HIVEP2: variants seen among roughly 807,000 people sequenced by gnomAD.
The protein encoded by HIVEP2 is transcription factor HIVEP2.
In HIVEP2, 14 loss-of-function variants were observed where a neutral mutation model predicts 180.7. The observed-to-expected ratio is 0.08, with a 90% confidence interval of 0.05 to 0.12. The LOEUF is 0.12. Among genes scored for constraint, HIVEP2 ranks in the 10% least tolerant of loss-of-function variants. HIVEP2 has a pLI of 1.00. For synonymous variants in HIVEP2, 1,184 were observed against 1,136.4 expected (o/e 1.04, Z -0.84); for missense variants, 2,579 against 3,008.5 (o/e 0.86, Z 3.34).
rs1775685674 is a variant in HIVEP2, at chr6:142,775,853, A to G, written c.-388+294T>C. Among the ~76,000 whole-genome samples, 3 of 151,294 alleles carry G rather than the reference A, an allele frequency of 2.0e-5. No individual in the cohort carries two copies. The South Asian group carries it at 6.2e-4, about 31-fold the overall frequency. ...CATCTCAAAAAAAAACCATATATAT[A>G]GTTACATATTAATATAAAATATAAA... is the stretch of plus-strand genomic sequence containing the variant. On this transcript the variant is annotated intron_variant, in intron 4 of 9. Transcript: ENST00000367603.
chr6:142,756,816 T>C (rs904552030), intron 9 of HIVEP2, among the ~76,000 whole-genome samples: 1 of 151,990 alleles, frequency 6.6e-6, no homozygotes, highest in African/African-American at 2.4e-5. Context: ...TATCTATCTA[T>C]CTATCTATCT....
rs770667303 is a variant in HIVEP2, at chr6:142,772,730, C to T, written c.2009G>A (p.Gly670Asp). 1 of 1,614,228 alleles carries T rather than the reference C, an allele frequency of 6.2e-7. No individual in the cohort carries two copies. The change falls in exon 5 of 10, where the codon GGT (glycine) becomes GAT (aspartate). Residue 670 changes from glycine (G) to aspartate (D), a missense_variant. Gly to Asp is a moderately conservative substitution (Grantham distance 94, BLOSUM62 -1). Transcript: ENST00000367603. The surrounding 1 kb of genome is among the most constrained non-coding windows in gnomAD (Gnocchi z 4.9). ...DISCLSSLKH[G>D]GEYFMDPVVP... ...CACGGGATCCATGAAATATTCTCCACCATGCTTTAAAGAACTCAAGCAGGA... is the reference window on the plus strand; with the variant it reads ...CACGGGATCCATGAAATATTCTCCATCATGCTTTAAAGAACTCAAGCAGGA...
chr6:142,770,672 A>G lies in HIVEP2; in HGVS notation c.4067T>C (p.Ile1356Thr), dbSNP rs777841291. The change falls in exon 5 of 10, where the codon ATA (isoleucine) becomes ACA (threonine). Residue 1356 changes from isoleucine (I) to threonine (T), a missense_variant. Around this residue, in one of 11 missense-constraint regions of HIVEP2, gnomAD observed 523 missense variants for 577.0 expected, o/e 0.91. Coordinates refer to ENST00000367603, the MANE Select transcript of HIVEP2 (RefSeq NM_006734.4). This position sits in a 1 kb window ranked among gnomAD's most constrained non-coding sequence, Gnocchi z 4.7. ...GSVMYTSISQ[I>T]LGQNSPAIVI... ...AATGGCAGGGCTATTCTGCCCAAGT[A>G]TCTGAGAAATGCTTGTGTACATGAC... The G allele has an allele frequency of 6.2e-6, 10 of 1,614,110 alleles. No individual in the cohort carries two copies. The East Asian group carries it at 1.6e-4, about 25-fold the overall frequency.
At chr6:142,854,840 A>G (rs78539908) in intron 1 of HIVEP2, among the ~76,000 whole-genome samples, 2,623 of 152,258 alleles carry the variant, frequency 0.017, 88 homozygotes, top group African/African-American at 0.059. Context: ...ACCCAGTATT[A>G]AAGCAATAAT....
intron 1 of HIVEP2, among the ~76,000 whole-genome samples, chr6:142,847,750 C>T (rs1022642904): frequency 4.6e-5 from 7 of 151,964 alleles, no homozygotes; most frequent in African/African-American, 1.5e-4. Context: ...GTTTGTTGTT[C>T]TTCATAAAAG....
intron 1 of HIVEP2, among the ~76,000 whole-genome samples, chr6:142,885,077 C>T (rs1776662687): frequency 6.6e-6 from 1 of 152,072 alleles, no homozygotes; most frequent in Non-Finnish European, 1.5e-5. Flanking sequence ...TTGTAATAGT[C>T]CAGTTGCTCA....
chr6:142,770,750 G>A lies in HIVEP2; in HGVS notation c.3989C>T (p.Pro1330Leu). 6.2e-7 allele frequency: 1 copy of A among 1,614,188 alleles called. No individual in the cohort carries two copies. The highest frequency in any genetic ancestry group is 1.1e-5 in the South Asian group (1 of 91,082). ...SANAGSLQSLPGTVVPVRIQT... is the reference protein window; with the variant it reads ...SANAGSLQSLLGTVVPVRIQT... ...GATCCGAACAGGAACCACTGTTCCTGGGAGGGACTGCAAAGACCCAGCATT... is the reference window on the plus strand; with the variant it reads ...GATCCGAACAGGAACCACTGTTCCTAGGAGGGACTGCAAAGACCCAGCATT... The change falls in exon 5 of 10, where the codon CCA becomes CTA. Residue 1330 changes from proline (P) to leucine (L), a missense_variant. Physicochemically the swap from Pro to Leu is moderately conservative, Grantham distance 98. Coordinates refer to ENST00000367603, the MANE Select transcript of HIVEP2 (RefSeq NM_006734.4). The surrounding 1 kb of genome is among the most constrained non-coding windows in gnomAD (Gnocchi z 4.7).
At chr6:142,806,660 G>A (rs1389888278) in intron 2 of HIVEP2, among the ~76,000 whole-genome samples, 1 of 152,096 alleles carries the variant, frequency 6.6e-6, no homozygotes, top group African/African-American at 2.4e-5. Flanking sequence ...TTGAGCAGGA[G>A]CTCACAGAGA....
chr6:142,762,666 C>T (rs545808016), intron 7 of HIVEP2, among the ~76,000 whole-genome samples: 12 of 152,130 alleles, frequency 7.9e-5, no homozygotes, highest in Admixed American at 2.0e-4. Context: ...GTGAAATCTC[C>T]GTGGAAACTC....
intron 1 of HIVEP2, among the ~76,000 whole-genome samples, chr6:142,878,888 G>C (rs1173946203): frequency 1.3e-5 from 2 of 152,120 alleles, no homozygotes; most frequent in Non-Finnish European, 2.9e-5. Context: ...ACATGGTATG[G>C]GGCAAAGGAC....
rs139252691 is a variant in HIVEP2, at chr6:142,827,435, C to T, written c.-528+9500G>A. On this transcript the variant is annotated intron_variant, in intron 2 of 9. Transcript: ENST00000367603. Reference sequence around the variant, plus strand: ...TCCTCAGGCTGGGTGTGACAAAGTACGCCTGCATATGACTGTGTGTTTTGT... The same window carrying T: ...TCCTCAGGCTGGGTGTGACAAAGTATGCCTGCATATGACTGTGTGTTTTGT... Among the ~76,000 whole-genome samples the T allele has an allele frequency of 5.7e-3, 869 of 152,326 alleles. 10 individuals carry two copies. The highest frequency in any genetic ancestry group is 0.02 in the African/African-American group (818 of 41,558).
At chr6:142,909,283 A>C (rs1021293584) in intron 1 of HIVEP2, among the ~76,000 whole-genome samples, 2 of 152,200 alleles carry the variant, frequency 1.3e-5, no homozygotes, top group Non-Finnish European at 2.9e-5. Flanking sequence ...GATTTCTACT[A>C]TCTATAGACA....
chr6:142,923,639 C>T (rs1393238987), intron 1 of HIVEP2, among the ~76,000 whole-genome samples: 1 of 152,024 alleles, frequency 6.6e-6, no homozygotes, highest in Admixed American at 6.6e-5. Context: ...GAAATGAAGA[C>T]CCCTTGCTCA....
intron 1 of HIVEP2, among the ~76,000 whole-genome samples, chr6:142,906,736 T>C (rs1395750912): frequency 6.6e-6 from 1 of 152,168 alleles, no homozygotes; most frequent in African/African-American, 2.4e-5. Context: ...AAAGTGTTTA[T>C]AAAAATGATT....
chr6:142,884,781 A>G (rs1325714574), intron 1 of HIVEP2, among the ~76,000 whole-genome samples: 7 of 152,206 alleles, frequency 4.6e-5, no homozygotes, highest in Non-Finnish European at 2.9e-5. Context: ...ATCTCACTAC[A>G]TCCAGTTCAG....
At chr6:142,872,983 G>A (rs73777816) in intron 1 of HIVEP2, among the ~76,000 whole-genome samples, 87 of 152,270 alleles carry the variant, frequency 5.7e-4, no homozygotes, top group African/African-American at 2.0e-3. Flanking sequence ...GATCTAACAA[G>A]GTCACAAGGG....
intron 5 of HIVEP2, among the ~76,000 whole-genome samples, chr6:142,769,166 C>A (rs1315144781): frequency 6.6e-6 from 1 of 152,194 alleles, no homozygotes; most frequent in Non-Finnish European, 1.5e-5. Context: ...AGCCTCCATT[C>A]CCTGCTCTAT....
chr6:142,943,092 T>TATG lies in HIVEP2; in HGVS notation c.-641+2004_-641+2006dup, dbSNP rs1778218651. Among the ~76,000 whole-genome samples, 1 of 152,226 alleles carries TATG rather than the reference T, an allele frequency of 6.6e-6. No homozygotes were observed. Among genetic ancestry groups the TATG allele is most frequent in the South Asian group, 2.1e-4 (1 of 4,834 alleles). ...CAAATGTACAGTTGTCATTTGGTAC[T>TATG]ATGACTCCTTAGGGTTCCACAGGGA... On this transcript the variant is annotated intron_variant, in intron 1 of 9. Transcript: ENST00000367603. The surrounding 1 kb of genome is among the most constrained non-coding windows in gnomAD (Gnocchi z 4.5).
At chr6:142,813,581 T>G (rs571042273) in intron 2 of HIVEP2, among the ~76,000 whole-genome samples, 9 of 151,266 alleles carry the variant, frequency 5.9e-5, no homozygotes, top group Non-Finnish European at 8.9e-5. Context: ...GAGTTTTTTT[T>G]TTTTTTTTTT....
Sources: allele counts gnomAD v4.1 joint callset (sites outside exome capture counted in the v4.1 genomes callset), GRCh38; gene constraint gnomAD v4.1.1; regional missense constraint gnomAD v4.1.1; non-coding constraint Gnocchi (gnomAD v3.1); transcripts MANE v1.5; gene names NCBI Gene and HGNC (gene_info 2026-07-23, HGNC 2026-07-21).